Variants in ADAMTS9 observed in about 807,000 individuals in gnomAD.
The protein encoded by ADAMTS9 is ADAM metallopeptidase with thrombospondin type 1 motif 9, also known as A disintegrin and metalloproteinase with thrombospondin motifs 9.
ADAMTS9 carries 107 observed loss-of-function variants against 257.1 expected under a neutral mutation model. The ratio of observed to expected loss-of-function variants is 0.42; its 90% CI spans 0.36 to 0.49. The LOEUF (loss-of-function observed/expected upper bound fraction) is 0.49, where lower values mean the gene tolerates loss of function less well. Ranked by LOEUF, ADAMTS9 falls within the 20% of genes least tolerant of loss-of-function variation. The pLI, the probability that ADAMTS9 is intolerant of heterozygous loss-of-function variation, is 0.03. For missense variants in ADAMTS9, 2,353 were observed against 2,469.1 expected, an observed-to-expected ratio of 0.95 and a Z score of 1.00; for synonymous variants, 982 against 880.9, an observed-to-expected ratio of 1.11 and a Z score of -2.03.
intron 30 of ADAMTS9, among the ~76,000 whole-genome samples, chr3:64,555,350 A>G (rs1055486376): frequency 9.2e-5 from 14 of 151,872 alleles, no homozygotes; most frequent in African/African-American, 3.2e-4. Flanking sequence ...AAATAATACT[A>G]TGGAGACACT....
chr3:64,619,724 C>T (rs190272051), intron 19 of ADAMTS9, among the ~76,000 whole-genome samples: 106 of 152,114 alleles, frequency 7.0e-4, no homozygotes, highest in Admixed American at 2.9e-3. Context: ...ATTACCATAA[C>T]CATTACAGAG....
chr3:64,676,896 A>T (rs1701635853), intron 3 of ADAMTS9, among the ~76,000 whole-genome samples: 1 of 152,170 alleles, frequency 6.6e-6, no homozygotes, highest in Non-Finnish European at 1.5e-5. Context: ...TTAGAGAAAA[A>T]CACTTGCCTT....
rs755480110 is a variant in ADAMTS9 at position 64,517,416 on chromosome 3, G to GTTTTTTTTTTTT, written c.*6-307_*6-296dup. 5.0e-3 allele frequency among the ~76,000 whole-genome samples: 263 copies of GTTTTTTTTTTTT among 52,640 alleles called. 55 individuals carry two copies. The highest frequency in any genetic ancestry group is 0.01 in the African/African-American group (198 of 18,966). 34.5% of individuals were successfully genotyped at this position (52,640 alleles called of 152,430 possible). On this transcript the variant is annotated intron_variant, in intron 39 of 39. Coordinates refer to ENST00000498707, the MANE Select transcript of ADAMTS9 (RefSeq NM_182920.2). ...CATCAAGCCCAGCTAATTAAAAATG[G>GTTTTTTTTTTTT]TTTTTTTTTTTTTTTTTTTTTTTGC...
intron 11 of ADAMTS9, among the ~76,000 whole-genome samples, chr3:64,646,058 A>G (rs1207845627): frequency 3.3e-5 from 5 of 152,256 alleles, no homozygotes; most frequent in African/African-American, 1.2e-4. Flanking sequence ...TCATCACATG[A>G]TTGAAAATTT....
At chr3:64,663,106 G>A (rs540587194) in intron 3 of ADAMTS9, among the ~76,000 whole-genome samples, 2 of 152,036 alleles carry the variant, frequency 1.3e-5, no homozygotes, top group African/African-American at 2.4e-5. Flanking sequence ...GATGGAGTGG[G>A]GAGATGGGAG....
chr3:64,647,594 G>A (rs1457529256), intron 11 of ADAMTS9, among the ~76,000 whole-genome samples: 1 of 152,138 alleles, frequency 6.6e-6, no homozygotes, highest in Non-Finnish European at 1.5e-5. Context: ...GCTTTCCAGT[G>A]CCATCCCCAA....
chr3:64,613,840 C>G (rs1457591179), intron 21 of ADAMTS9, among the ~76,000 whole-genome samples: 1 of 152,120 alleles, frequency 6.6e-6, no homozygotes, highest in Non-Finnish European at 1.5e-5. Flanking sequence ...AGTTTTAACA[C>G]TTATATAACC....
chr3:64,568,256 G>T, intron 29 of ADAMTS9, 112 bp downstream of exon 29: 1 of 1,164,584 alleles, frequency 8.6e-7, no homozygotes, highest in East Asian at 2.6e-5. Context: ...CCCAGTCCCC[G>T]AGCTCCCCTC....
At chr3:64,591,283 T>C (rs1252024759) in intron 28 of ADAMTS9, among the ~76,000 whole-genome samples, 1 of 151,896 alleles carries the variant, frequency 6.6e-6, no homozygotes, top group African/African-American at 2.4e-5. Context: ...CTACTAAAAA[T>C]ACAAAAATTA....
chr3:64,545,090 T>C (rs2083179302), intron 32 of ADAMTS9, among the ~76,000 whole-genome samples: 3 of 152,160 alleles, frequency 2.0e-5, no homozygotes, highest in Non-Finnish European at 4.4e-5. Flanking sequence ...ATGGCGATTA[T>C]TAAAAAGTCA....
intron 2 of ADAMTS9, among the ~76,000 whole-genome samples, chr3:64,683,515 T>A (rs1221692244): frequency 1.3e-5 from 2 of 152,168 alleles, no homozygotes; most frequent in Non-Finnish European, 2.9e-5. Flanking sequence ...TCTCAAAGTC[T>A]CAGATTTTTT....
In ADAMTS9 at chr3:64,643,909, A is replaced by T. The variant is rs114096834; in HGVS notation, c.1711-1916T>A. 7.6e-3 allele frequency among the ~76,000 whole-genome samples: 1,157 copies of T among 152,286 alleles called. 10 individuals carry two copies. Among genetic ancestry groups the T allele is most frequent in the African/African-American group, 0.027 (1,116 of 41,560 alleles). On this transcript the variant is annotated intron_variant, in intron 11 of 39. Coordinates refer to ENST00000498707, the MANE Select transcript of ADAMTS9 (RefSeq NM_182920.2). Reference sequence around the variant, plus strand: ...TGGTGGCCACCATATTGGACACAGCAGGTCTAGACAGACAAAACTTAACAA... The same window carrying T: ...TGGTGGCCACCATATTGGACACAGCTGGTCTAGACAGACAAAACTTAACAA...
At chr3:64,595,417 T>C (rs908971801) in intron 27 of ADAMTS9, among the ~76,000 whole-genome samples, 1 of 152,188 alleles carries the variant, frequency 6.6e-6, no homozygotes, top group African/African-American at 2.4e-5. Context: ...TGACATTTGG[T>C]TTCCCTGCTG....
intron 9 of ADAMTS9, 84 bp from the exon 10 acceptor site, chr3:64,649,862 C>A: frequency 6.8e-7 from 1 of 1,464,842 alleles, no homozygotes; most frequent in South Asian, 1.4e-5. Flanking sequence ...GCCACCCCAC[C>A]ATTGTAATGG....
chr3:64,622,709 C>A, intron 16 of ADAMTS9, 123 bp from the exon 17 acceptor site: 1 of 1,046,228 alleles, frequency 9.6e-7, no homozygotes, highest in Non-Finnish European at 1.4e-6. Flanking sequence ...TTGAGGCAGA[C>A]AGGCATGGCT....
In ADAMTS9 at chr3:64,632,033, A is replaced by G. The variant is rs151272136; in HGVS notation, c.2176-108T>C. 51 of 815,226 alleles carry G rather than the reference A, an allele frequency of 6.3e-5. No individual in the cohort carries two copies. In the East Asian group the frequency reaches 1.3e-3, roughly 21 times the overall value. The allele number at this position is 815,226 out of a possible 1,614,324, so 50.5% of individuals were successfully genotyped here. A position where few individuals can be genotyped will look rare whatever the true frequency, so the allele number is the denominator to read the frequency against. On this transcript the variant is annotated intron_variant, in intron 14 of 39. Transcript: ENST00000498707. Reference sequence around the variant, plus strand: ...TGCACTAAAAATGACAAGAAAGTCAAGTCCTTTAAAACTTGGAAAGGTTGA... The same window carrying G: ...TGCACTAAAAATGACAAGAAAGTCAGGTCCTTTAAAACTTGGAAAGGTTGA...
At chr3:64,625,403 A>C (rs2106874045) in intron 16 of ADAMTS9, among the ~76,000 whole-genome samples, 1 of 152,328 alleles carries the variant, frequency 6.6e-6, no homozygotes, top group African/African-American at 2.4e-5. Flanking sequence ...AAGAGGTTCC[A>C]AGGATTTAGG....
chr3:64,651,225 T>C, intron 8 of ADAMTS9, 62 bp from the exon 9 acceptor site: 3 of 1,436,392 alleles, frequency 2.1e-6, no homozygotes, highest in East Asian at 2.6e-5. Context: ...GCTGTTCTAA[T>C]TGCTTCAGGA....
chr3:64,572,485 A>G (rs2083715637), intron 28 of ADAMTS9, among the ~76,000 whole-genome samples: 1 of 152,116 alleles, frequency 6.6e-6, no homozygotes, highest in South Asian at 2.1e-4. Context: ...GATGCCCCAC[A>G]TTGGTCCTTT....
Sources: gnomAD v4.1 joint callset for allele counts (sites outside exome capture counted in the v4.1 genomes callset) on GRCh38, gnomAD v4.1.1 for gene constraint, MANE v1.5 for transcripts, NCBI Gene and HGNC (gene_info 2026-07-23, HGNC 2026-07-21) for gene names.